The following UST variants were observed in gnomAD, a reference collection of about 807,000 sequenced individuals.
The protein encoded by UST is uronyl 2-sulfotransferase.
In UST, 21 loss-of-function variants were observed where a neutral mutation model predicts 45.6. The ratio of observed to expected loss-of-function variants is 0.46; its 90% CI spans 0.33 to 0.66. UST has a LOEUF of 0.66. Ranked by LOEUF, UST falls within the 30% of genes least tolerant of loss-of-function variation. The pLI, the probability that UST is intolerant of heterozygous loss-of-function variation, is 0.02. For missense variants in UST, 463 were observed against 512.4 expected (o/e 0.90, Z 0.93); for synonymous variants, 215 against 200.6 (o/e 1.07, Z -0.61).
chr6:148,923,607 T>C (rs1042543189), intron 2 of UST, among the ~76,000 whole-genome samples: 3 of 152,166 alleles, frequency 2.0e-5, no homozygotes, highest in African/African-American at 7.2e-5. Context: ...AGTTACAGTT[T>C]TAAGAATAAT....
chr6:148,882,572 G>A (rs1778842854), intron 1 of UST, among the ~76,000 whole-genome samples: 1 of 151,882 alleles, frequency 6.6e-6, no homozygotes, highest in African/African-American at 2.4e-5. Flanking sequence ...AAGGAATGGG[G>A]GAGGAGGAAG....
At chr6:149,018,590 C>T (rs1038451070) in intron 5 of UST, among the ~76,000 whole-genome samples, 4 of 152,080 alleles carry the variant, frequency 2.6e-5, no homozygotes, top group African/African-American at 9.7e-5. Flanking sequence ...ACAACTGTTG[C>T]CTTTGAAAGT....
rs192881770 is a variant in UST at position 148,776,935 on chromosome 6, G to T, written c.247+29258G>T. 1.4e-3 allele frequency among the ~76,000 whole-genome samples: 208 copies of T among 152,310 alleles called. 1 individual carries two copies. The highest frequency in any genetic ancestry group is 0.012 in the Admixed American group (179 of 15,304). On this transcript the variant is annotated intron_variant, in intron 1 of 7. Coordinates refer to ENST00000367463, the MANE Select transcript of UST (RefSeq NM_005715.3). ...GGTCTGTTGTAGGTTTGCATCTCCT[G>T]TGTGGTCCCTTGGCCTTGTCCCTGC...
At chr6:148,760,147 T>G (rs1372172708) in intron 1 of UST, among the ~76,000 whole-genome samples, 1 of 152,220 alleles carries the variant, frequency 6.6e-6, no homozygotes, top group Non-Finnish European at 1.5e-5. Flanking sequence ...GTCTTAATCA[T>G]AGTTAAATTT....
At chr6:148,946,172 C>T (rs1780230893) in intron 3 of UST, among the ~76,000 whole-genome samples, 1 of 152,154 alleles carries the variant, frequency 6.6e-6, no homozygotes. Context: ...TAAAAGTCTA[C>T]AGGCTACAGG....
At chr6:148,949,855 G>A (rs1291282924) in intron 3 of UST, among the ~76,000 whole-genome samples, 1 of 152,146 alleles carries the variant, frequency 6.6e-6, no homozygotes, top group Non-Finnish European at 1.5e-5. Flanking sequence ...GAAAGTGCAT[G>A]TCCTGAAGAA....
At position 149,068,648 on chromosome 6, in the gene UST, A is replaced by G. The variant is rs893302889; in HGVS notation, c.938-5185A>G. On this transcript the variant is annotated intron_variant, in intron 7 of 7. Coordinates refer to ENST00000367463, the MANE Select transcript of UST (RefSeq NM_005715.3). ...TATTTTACATATTTATGGGATATGTATGATATTTTTTTCCATGCATAGAAT... is the reference window on the plus strand; with the variant it reads ...TATTTTACATATTTATGGGATATGTGTGATATTTTTTTCCATGCATAGAAT... Among the ~76,000 whole-genome samples the G allele has an allele frequency of 1.2e-4, 18 of 152,336 alleles. No homozygotes were observed. In the East Asian group the frequency reaches 2.1e-3, roughly 18 times the overall value.
In UST at chr6:149,076,752, A is replaced by C. The variant is rs1234606129; in HGVS notation, c.*2636A>C. Reference sequence around the variant, plus strand: ...ACCTTTCAGCACATTCCAAGGTTTTAGTTACTCAGGAAGGAGTTAATTAAA... The same window carrying C: ...ACCTTTCAGCACATTCCAAGGTTTTCGTTACTCAGGAAGGAGTTAATTAAA... On this transcript the variant is annotated 3_prime_UTR_variant, in exon 8 of 8. Transcript: ENST00000367463. 2 of 152,660 alleles carry C rather than the reference A, an allele frequency of 1.3e-5. No individual in the cohort carries two copies. The highest frequency in any genetic ancestry group is 6.5e-5 in the Admixed American group (1 of 15,288). 9.5% of individuals were successfully genotyped at this position (152,660 alleles called of 1,614,324 possible). A position where few individuals can be genotyped will look rare whatever the true frequency, so the allele number is the denominator to read the frequency against.
At chr6:148,768,689 A>G (rs1185416306) in intron 1 of UST, among the ~76,000 whole-genome samples, 1 of 152,218 alleles carries the variant, frequency 6.6e-6, no homozygotes, top group Non-Finnish European at 1.5e-5. Context: ...ATTTTGAATG[A>G]TATCCTTCTT....
chr6:148,935,139 T>C (rs890995906), intron 2 of UST, among the ~76,000 whole-genome samples: 2 of 152,196 alleles, frequency 1.3e-5, no homozygotes, highest in African/African-American at 4.8e-5. Context: ...GTGCTCAGGA[T>C]CTTGGAAAGA....
intron 7 of UST, among the ~76,000 whole-genome samples, chr6:149,024,842 G>C (rs1776027442): frequency 6.6e-6 from 1 of 151,956 alleles, no homozygotes; most frequent in Non-Finnish European, 1.5e-5. Context: ...GGGATCTAGT[G>C]ACCCTTAACT....
intron 1 of UST, among the ~76,000 whole-genome samples, chr6:148,817,146 CTGTT>C (rs563946191): frequency 1.4e-3 from 208 of 152,212 alleles, no homozygotes; most frequent in Non-Finnish European, 2.5e-3. Context: ...TCCAGTGTTT[CTGTT>C]TGTTTGTTTA....
chr6:148,988,242 G>A (rs1026730516), intron 5 of UST, among the ~76,000 whole-genome samples: 10 of 152,100 alleles, frequency 6.6e-5, no homozygotes, highest in South Asian at 6.2e-4. Flanking sequence ...GTTAGGCAGA[G>A]CCTGCATCAT....
intron 2 of UST, among the ~76,000 whole-genome samples, chr6:148,926,190 G>A (rs948359501): frequency 2.0e-5 from 3 of 152,200 alleles, no homozygotes; most frequent in African/African-American, 7.2e-5. Flanking sequence ...TAATAGTGCT[G>A]TTACTACAAT....
At chr6:148,927,625 G>A (rs1178488133) in intron 2 of UST, among the ~76,000 whole-genome samples, 23 of 152,104 alleles carry the variant, frequency 1.5e-4, no homozygotes, top group Non-Finnish European at 2.9e-5. Context: ...GTGAGATATT[G>A]CGTGAAAGGC....
intron 7 of UST, among the ~76,000 whole-genome samples, chr6:149,048,404 C>T (rs1023456417): frequency 2.0e-5 from 3 of 151,742 alleles, no homozygotes; most frequent in Non-Finnish European, 2.9e-5. Flanking sequence ...GGTGTGGTGG[C>T]GGATGCCTGT....
intron 2 of UST, among the ~76,000 whole-genome samples, chr6:148,930,429 A>G (rs1779899332): frequency 6.6e-6 from 1 of 152,228 alleles, no homozygotes; most frequent in Non-Finnish European, 1.5e-5. Flanking sequence ...CAATCAAATA[A>G]TTACAGCAGT....
chr6:149,048,227 A>G (rs1320713676), intron 7 of UST, among the ~76,000 whole-genome samples: 5 of 152,148 alleles, frequency 3.3e-5, no homozygotes, highest in African/African-American at 1.2e-4. Context: ...GCATAAAAGC[A>G]GTAAAACACA....
chr6:148,876,140 A>G (rs1488800255), intron 1 of UST, among the ~76,000 whole-genome samples: 1 of 152,146 alleles, frequency 6.6e-6, no homozygotes, highest in Admixed American at 6.5e-5. Flanking sequence ...TTACATATGC[A>G]TGGCAGAAGG....
Sources: allele counts gnomAD v4.1 joint callset (sites outside exome capture counted in the v4.1 genomes callset), GRCh38; gene constraint gnomAD v4.1.1; transcripts MANE v1.5; gene names NCBI Gene and HGNC (gene_info 2026-07-23, HGNC 2026-07-21).